The following SNRK variants were observed in gnomAD, a reference collection of about 807,000 sequenced individuals.
SNRK encodes SNF-related serine/threonine-protein kinase.
A neutral mutation model predicts 48.2 loss-of-function variants in SNRK; 3 were observed. The ratio of observed to expected loss-of-function variants is 0.06; its 90% CI spans 0.03 to 0.16. SNRK has a LOEUF of 0.16. Ranked by LOEUF, SNRK falls within the 10% of genes least tolerant of loss-of-function variation. The pLI, the probability that SNRK is intolerant of heterozygous loss-of-function variation, is 1.00. For synonymous variants in SNRK, 376 were observed against 366.1 expected, an observed-to-expected ratio of 1.03 and a Z score of -0.31; for missense variants, 627 against 976.0, an observed-to-expected ratio of 0.64 and a Z score of 4.76.
chr3:43,334,978 TTATC>T (rs1559468901), intron 4 of SNRK, among the ~76,000 whole-genome samples: 1 of 53,178 alleles, frequency 1.9e-5, no homozygotes, highest in Non-Finnish European at 1.2e-4. Context: ...AATTTGTGCC[TTATC>T]TTTTTTTTGT....
chr3:43,303,886 T>G lies in SNRK; in HGVS notation c.589+94T>G, dbSNP rs1420797357. 7 of 945,514 alleles carry G rather than the reference T, an allele frequency of 7.4e-6. No individual in the cohort carries two copies. Among genetic ancestry groups the G allele is most frequent in the Non-Finnish European group, 9.6e-6 (6 of 626,136 alleles). 58.6% of individuals were successfully genotyped at this position (945,514 alleles called of 1,614,324 possible). A position where few individuals can be genotyped will look rare whatever the true frequency, so the allele number is the denominator to read the frequency against. ...TATCTAAAAATGATTTCTAGAGAAT[T>G]TCTGTTAAATTGGCCTTAACTAGCA... is the stretch of plus-strand genomic sequence containing the variant. On this transcript the variant is annotated intron_variant, in intron 3 of 6. Transcript: ENST00000296088. This position sits in a 1 kb window ranked among gnomAD's most constrained non-coding sequence, Gnocchi z 6.2.
intron 1 of SNRK, among the ~76,000 whole-genome samples, chr3:43,298,316 T>C (rs1211800470): frequency 6.6e-6 from 1 of 152,028 alleles, no homozygotes; most frequent in African/African-American, 2.4e-5. Flanking sequence ...CCACAGAGAC[T>C]AGGGATGAAA....
At chr3:43,295,876 C>T in intron 1 of SNRK, among the ~76,000 whole-genome samples, 1 of 152,094 alleles carries the variant, frequency 6.6e-6, no homozygotes, top group East Asian at 1.9e-4. Flanking sequence ...GTAGCTGGGA[C>T]TACAGGCCCA....
At chr3:43,310,221 T>A (rs2090969663) in intron 3 of SNRK, among the ~76,000 whole-genome samples, 1 of 152,168 alleles carries the variant, frequency 6.6e-6, no homozygotes, top group African/African-American at 2.4e-5. Flanking sequence ...GGACTTGTCC[T>A]ATCTTATTTT....
At chr3:43,295,385 C>T (rs933930896) in intron 1 of SNRK, among the ~76,000 whole-genome samples, 1 of 152,242 alleles carries the variant, frequency 6.6e-6, no homozygotes, top group African/African-American at 2.4e-5. Context: ...CTAGTCCCCT[C>T]AGCGGCCCCT....
intron 6 of SNRK, among the ~76,000 whole-genome samples, chr3:43,345,770 G>A (rs552978769): frequency 6.6e-6 from 1 of 152,152 alleles, no homozygotes; most frequent in Non-Finnish European, 1.5e-5. Flanking sequence ...GAGGTGGTGT[G>A]GTATTGGGAG....
intron 1 of SNRK, among the ~76,000 whole-genome samples, chr3:43,291,180 G>A (rs897039074): frequency 2.6e-5 from 4 of 152,178 alleles, no homozygotes; most frequent in Admixed American, 6.5e-5. Flanking sequence ...TGCATATATT[G>A]TTGTCTGAGT....
In SNRK at chr3:43,348,171, C is replaced by G. The variant is rs772911877; in HGVS notation, c.1912C>G (p.Arg638Gly). Residue 638 changes from arginine to glycine, a missense_variant, in exon 7 of 7, where the codon CGC (arginine) becomes GGC (glycine). Transcript: ENST00000296088. ...CAGCAACTCCATGCAGCTGGCCTCT[C>G]GCAGTGCTGGGGAGCTCGTTGAGAG... ...GPSNSMQLAS[R>G]SAGELVESLK... The G allele has an allele frequency of 5.7e-6, 9 of 1,588,094 alleles. No individual in the cohort carries two copies. The highest frequency in any genetic ancestry group is 7.7e-6 in the Non-Finnish European group (9 of 1,168,294).
At chr3:43,306,198 G>T (rs1465287026) in intron 3 of SNRK, among the ~76,000 whole-genome samples, 1 of 152,024 alleles carries the variant, frequency 6.6e-6, no homozygotes, top group Non-Finnish European at 1.5e-5. Flanking sequence ...TATATTGTGT[G>T]ATGTGTGATT....
In SNRK at chr3:43,347,610, G is replaced by A; in HGVS notation, c.1351G>A (p.Glu451Lys). 1 of 1,613,970 alleles carries A rather than the reference G, an allele frequency of 6.2e-7. No individual in the cohort carries two copies. Among genetic ancestry groups the A allele is most frequent in the Non-Finnish European group, 8.5e-7 (1 of 1,180,022 alleles). Residue 451 changes from glutamate (E) to lysine (K), a missense_variant, in exon 7 of 7, where the codon GAA becomes AAA. By Grantham distance (56) the Glu-to-Lys change is moderately conservative. Coordinates refer to ENST00000296088, the MANE Select transcript of SNRK (RefSeq NM_017719.5). This position sits in a 1 kb window ranked among gnomAD's most constrained non-coding sequence, Gnocchi z 5.4. Reference sequence around the variant, plus strand: ...GTTCAGGGTGGAAGAAGATGAAGAGGAAGATGAGGAGGACAAGAAACCCAT... The same window carrying A: ...GTTCAGGGTGGAAGAAGATGAAGAGAAAGATGAGGAGGACAAGAAACCCAT... ...CLFRVEEDEEEDEEDKKPMSL... is the reference protein window; with the variant it reads ...CLFRVEEDEEKDEEDKKPMSL...
At chr3:43,304,516 G>C (rs952917874) in intron 3 of SNRK, among the ~76,000 whole-genome samples, 1 of 152,308 alleles carries the variant, frequency 6.6e-6, no homozygotes, top group Admixed American at 6.5e-5. Flanking sequence ...TATTTGTGGT[G>C]AAAGTATTTA....
chr3:43,323,040 T>C (rs2091067522), intron 3 of SNRK, among the ~76,000 whole-genome samples: 2 of 151,492 alleles, frequency 1.3e-5, no homozygotes, highest in South Asian at 4.2e-4. Flanking sequence ...CCTACACATA[T>C]GTGGCCAGTT....
intron 3 of SNRK, among the ~76,000 whole-genome samples, chr3:43,318,763 T>C (rs1335114553): frequency 1.3e-5 from 2 of 152,124 alleles, no homozygotes; most frequent in Non-Finnish European, 2.9e-5. Context: ...TGGTGGCTCA[T>C]GCCTTTAATC....
At chr3:43,308,808 T>G (rs1436508352) in intron 3 of SNRK, among the ~76,000 whole-genome samples, 1 of 152,214 alleles carries the variant, frequency 6.6e-6, no homozygotes, top group Non-Finnish European at 1.5e-5. Flanking sequence ...CTTTACTATT[T>G]AAGAAATGCA....
chr3:43,347,562 A>G lies in SNRK; in HGVS notation c.1303A>G (p.Thr435Ala). Residue 435 changes from threonine (T) to alanine (A), a missense_variant, in exon 7 of 7, where the codon ACA becomes GCA. By Grantham distance (58) the Thr-to-Ala change is moderately conservative. Transcript: ENST00000296088. This position sits in a 1 kb window ranked among gnomAD's most constrained non-coding sequence, Gnocchi z 5.4. ...GGTGCCACCCGCAAGCTTAAAACCC[A>G]CAGCCAGTGGGCGGAAGTGTCTGTT... ...STVPPASLKP[T>A]ASGRKCLFRV... 6.2e-7 allele frequency: 1 copy of G among 1,613,984 alleles called. No homozygotes were observed. The highest frequency in any genetic ancestry group is 8.5e-7 in the Non-Finnish European group (1 of 1,179,952).
At chr3:43,320,994 C>G (rs932908380) in intron 3 of SNRK, among the ~76,000 whole-genome samples, 3 of 149,420 alleles carry the variant, frequency 2.0e-5, no homozygotes, top group Non-Finnish European at 4.4e-5. Flanking sequence ...CCATTATGTT[C>G]CATCTGGAGG....
chr3:43,321,613 A>G (rs2091053950), intron 3 of SNRK, among the ~76,000 whole-genome samples: 1 of 152,242 alleles, frequency 6.6e-6, no homozygotes, highest in Non-Finnish European at 1.5e-5. Flanking sequence ...GTCAGCTGAT[A>G]GGTAACAGGG....
chr3:43,340,582 C>T (rs2091227655), intron 5 of SNRK, 83 bp downstream of exon 5: 1 of 1,201,364 alleles, frequency 8.3e-7, no homozygotes, highest in South Asian at 1.3e-5. Context: ...AGCCTTTGGA[C>T]ACCTGTGTAA....
chr3:43,336,589 C>T (rs1364844038), intron 4 of SNRK, among the ~76,000 whole-genome samples: 1 of 152,146 alleles, frequency 6.6e-6, no homozygotes, highest in Admixed American at 6.5e-5. Flanking sequence ...GCCTCTGCCT[C>T]CCGAAGTGCT....
Sources: allele counts gnomAD v4.1 joint callset (sites outside exome capture counted in the v4.1 genomes callset), GRCh38; gene constraint gnomAD v4.1.1; non-coding constraint Gnocchi (gnomAD v3.1); transcripts MANE v1.5; gene names NCBI Gene and HGNC (gene_info 2026-07-23, HGNC 2026-07-21).